The following HSF5 variants were observed in gnomAD, a reference collection of about 807,000 sequenced individuals.
The protein encoded by HSF5 is heat shock factor protein 5.
HSF5 carries 5 observed loss-of-function variants against 50.8 expected under a neutral mutation model. That is an observed-to-expected ratio of 0.10 (90% CI 0.05 to 0.21). The LOEUF is 0.21. Ranked by LOEUF, HSF5 falls within the 10% of genes least tolerant of loss-of-function variation. HSF5 has a pLI of 1.00. For missense variants in HSF5, 564 were observed against 762.6 expected, an observed-to-expected ratio of 0.74 and a Z score of 3.07; for synonymous variants, 307 against 307.4, an observed-to-expected ratio of 1.00 and a Z score of 0.02.
intron 5 of HSF5, among the ~76,000 whole-genome samples, chr17:58,445,996 G>T (rs1598186658): frequency 6.6e-6 from 1 of 152,028 alleles, no homozygotes; most frequent in East Asian, 1.9e-4. Context: ...AAATTAGCCA[G>T]GTATGGTGGC....
Position 58,466,869 on chromosome 17 carries a change from G to A in HSF5, c.1020+16C>T, listed in dbSNP as rs761516721. ...ACATAAAGCGCGGAGCATGGCCACA[G>A]TTGCAAGAATCTTACCTGGAAGTAG... On this transcript the variant is annotated intron_variant, in intron 3 of 5. Coordinates refer to ENST00000323777, the MANE Select transcript of HSF5 (RefSeq NM_001080439.3). 3.1e-5 allele frequency: 47 copies of A among 1,506,260 alleles called. No homozygotes were observed. The highest frequency in any genetic ancestry group is 4.1e-5 in the Non-Finnish European group (44 of 1,081,878). 93.3% of individuals were successfully genotyped at this position (1,506,260 alleles called of 1,614,324 possible). A position where few individuals can be genotyped will look rare whatever the true frequency, so the allele number is the denominator to read the frequency against.
intron 2 of HSF5, among the ~76,000 whole-genome samples, chr17:58,475,444 A>C (rs924671710): frequency 1.2e-4 from 19 of 152,238 alleles, no homozygotes; most frequent in African/African-American, 3.6e-4. Flanking sequence ...ATTCCAAATA[A>C]GATCCTACAG....
In HSF5 at chr17:58,421,461, C is replaced by A. The variant is rs1185377580; in HGVS notation, c.*899G>T. On this transcript the variant is annotated 3_prime_UTR_variant, in exon 6 of 6. Transcript: ENST00000323777. ...AAATCTCTTAATGTTTTTGTTCACA[C>A]ATTGTACATTTTCCTTTCAAAATAA... 6.6e-6 allele frequency: 1 copy of A among 152,392 alleles called. No individual in the cohort carries two copies. The highest frequency in any genetic ancestry group is 6.5e-5 in the Admixed American group (1 of 15,276). The allele number at this position is 152,392 out of a possible 1,614,324, so 9.4% of individuals were successfully genotyped here. A position where few individuals can be genotyped will look rare whatever the true frequency, so the allele number is the denominator to read the frequency against.
chr17:58,444,442 T>C (rs1974533089), intron 5 of HSF5, among the ~76,000 whole-genome samples: 1 of 152,174 alleles, frequency 6.6e-6, no homozygotes, highest in African/African-American at 2.4e-5. Context: ...TCAACAAGGG[T>C]GCCAAGCCCA....
intron 5 of HSF5, among the ~76,000 whole-genome samples, chr17:58,448,547 G>A (rs879272706): frequency 6.6e-6 from 1 of 152,148 alleles, no homozygotes; most frequent in Non-Finnish European, 1.5e-5. Flanking sequence ...CTTCTCAGCA[G>A]AAACCTTACA....
intron 5 of HSF5, among the ~76,000 whole-genome samples, chr17:58,424,833 TACA>T (rs1370348278): frequency 1.3e-5 from 2 of 152,084 alleles, no homozygotes; most frequent in African/African-American, 4.8e-5. Flanking sequence ...TGGCACATGC[TACA>T]ACAATAGGCA....
At position 58,488,041 on chromosome 17, in the gene HSF5, G is replaced by A. The variant is rs759243598; in HGVS notation, c.234C>T (p.Thr78=). 1.9e-6 allele frequency: 3 copies of A among 1,604,684 alleles called. No homozygotes were observed. The highest frequency in any genetic ancestry group is 2.5e-6 in the Non-Finnish European group (3 of 1,177,616). Residue 78 remains threonine, a synonymous_variant, in exon 1 of 6, where the codon ACC becomes ACT. Transcript: ENST00000323777. This position sits in a 1 kb window ranked among gnomAD's most constrained non-coding sequence, Gnocchi z 4.1. ...AGAGGTTGAGCTGGCGGATGAAGCT[G>A]GTGAAGCTGGTGGTTTTGAAGAGCT... is the stretch of plus-strand genomic sequence containing the variant. ...EPELFKTTSF[T]SFIRQLNLYG...
chr17:58,468,812 G>C (rs1472568628), intron 2 of HSF5, among the ~76,000 whole-genome samples: 1 of 151,926 alleles, frequency 6.6e-6, no homozygotes, highest in Non-Finnish European at 1.5e-5. Flanking sequence ...TAAATATAAA[G>C]GTTATTTTTT....
intron 5 of HSF5, among the ~76,000 whole-genome samples, chr17:58,447,459 T>C (rs1249398787): frequency 6.6e-6 from 1 of 152,014 alleles, no homozygotes; most frequent in East Asian, 1.9e-4. Flanking sequence ...TGATCCAGCA[T>C]AGCACCGGCT....
chr17:58,459,074 T>C (rs1206923264), intron 4 of HSF5, 129 bp from the exon 5 acceptor site: 1 of 755,372 alleles, frequency 1.3e-6, no homozygotes, highest in African/African-American at 1.7e-5. Context: ...CTTTTCATTC[T>C]TATTATTGAT....
At chr17:58,443,115 G>A (rs992878619) in intron 5 of HSF5, among the ~76,000 whole-genome samples, 2 of 152,066 alleles carry the variant, frequency 1.3e-5, no homozygotes, top group Non-Finnish European at 2.9e-5. Context: ...CACTGTGTTA[G>A]CCAGGATGGT....
chr17:58,487,669 G>T, intron 1 of HSF5, 56 bp downstream of exon 1: 1 of 1,353,088 alleles, frequency 7.4e-7, no homozygotes, highest in Non-Finnish European at 9.4e-7. Context: ...AGCGGCGGTT[G>T]CTCCCCGCCG....
At chr17:58,462,380 G>T (rs1329055213) in intron 4 of HSF5, among the ~76,000 whole-genome samples, 1 of 152,122 alleles carries the variant, frequency 6.6e-6, no homozygotes, top group African/African-American at 2.4e-5. Context: ...GCTACAAATG[G>T]CTAGGAAAGT....
At chr17:58,478,475 CAAA>C (rs1189444544) in intron 2 of HSF5, among the ~76,000 whole-genome samples, 1 of 57,946 alleles carries the variant, frequency 1.7e-5, no homozygotes, top group Non-Finnish European at 3.6e-5. Flanking sequence ...GACTCCATCT[CAAA>C]AAAAAAAAAA....
rs576322175 is a variant in HSF5 at position 58,486,988 on chromosome 17, A to G, written c.550+737T>C. Among the ~76,000 whole-genome samples, 3 of 144,708 alleles carry G rather than the reference A, an allele frequency of 2.1e-5. No individual in the cohort carries two copies. The South Asian group carries it at 6.5e-4, about 31-fold the overall frequency. 94.9% of individuals were successfully genotyped at this position (144,708 alleles called of 152,430 possible). On this transcript the variant is annotated intron_variant, in intron 1 of 5. Transcript: ENST00000323777. ...AGTGGCACTATCTCGGCTTACTGCAACCTCTGCCTCCTGGGTTCAAGCGAT... is the reference window on the plus strand; with the variant it reads ...AGTGGCACTATCTCGGCTTACTGCAGCCTCTGCCTCCTGGGTTCAAGCGAT...
chr17:58,432,167 A>C (rs913776501), intron 5 of HSF5, among the ~76,000 whole-genome samples: 4 of 152,216 alleles, frequency 2.6e-5, no homozygotes, highest in Admixed American at 6.5e-5. Flanking sequence ...ATGGAGAAAA[A>C]AAGCAACTCA....
At chr17:58,463,528 A>G (rs1414283390) in intron 3 of HSF5, among the ~76,000 whole-genome samples, 1 of 152,222 alleles carries the variant, frequency 6.6e-6, no homozygotes, top group Non-Finnish European at 1.5e-5. Flanking sequence ...TAAGTTTAAT[A>G]CTCCAATGGT....
At chr17:58,459,702 G>A (rs1318497625) in intron 4 of HSF5, among the ~76,000 whole-genome samples, 1 of 151,756 alleles carries the variant, frequency 6.6e-6, no homozygotes, top group East Asian at 1.9e-4. Context: ...TGTTGCCCAG[G>A]CTGGTAACTC....
Position 58,487,721 on chromosome 17 carries a change from T to C in HSF5, c.550+4A>G, listed in dbSNP as rs754983469. On this transcript the variant is annotated splice_donor_region_variant and intron_variant, in intron 1 of 5. Coordinates refer to ENST00000323777, the MANE Select transcript of HSF5 (RefSeq NM_001080439.3). ...GGGCGAGGGCACGGGCAGTCCGGACTCACCGTGCGGCTCGGGCCGGGGCCC... is the reference window on the plus strand; with the variant it reads ...GGGCGAGGGCACGGGCAGTCCGGACCCACCGTGCGGCTCGGGCCGGGGCCC... 5 of 1,388,968 alleles carry C rather than the reference T, an allele frequency of 3.6e-6. No homozygotes were observed. The highest frequency in any genetic ancestry group is 4.6e-6 in the Non-Finnish European group (5 of 1,082,442). The allele number at this position is 1,388,968 out of a possible 1,614,324, so 86.0% of individuals were successfully genotyped here. A position where few individuals can be genotyped will look rare whatever the true frequency, so the allele number is the denominator to read the frequency against.
Sources: allele counts gnomAD v4.1 joint callset (sites outside exome capture counted in the v4.1 genomes callset), GRCh38; gene constraint gnomAD v4.1.1; non-coding constraint Gnocchi (gnomAD v3.1); transcripts MANE v1.5; gene names NCBI Gene and HGNC (gene_info 2026-07-23, HGNC 2026-07-21).